FREM2: variants seen among roughly 807,000 people sequenced by gnomAD.
FREM2 encodes FRAS1-related extracellular matrix protein 2.
Under a neutral mutation model 219.9 loss-of-function variants are expected in FREM2, and 119 were observed. The ratio of observed to expected loss-of-function variants is 0.54; its 90% CI spans 0.47 to 0.63. The LOEUF (loss-of-function observed/expected upper bound fraction) is 0.63, where lower values mean the gene tolerates loss of function less well. FREM2 is among the 30% of genes least tolerant of loss of function. The pLI is 0.00. For synonymous variants in FREM2, 1,562 were observed against 1,522.8 expected, an observed-to-expected ratio of 1.03 and a Z score of -0.60; for missense variants, 4,030 against 3,993.6, an observed-to-expected ratio of 1.01 and a Z score of -0.25.
chr13:38,696,585 A>G (rs1279051846), intron 1 of FREM2, among the ~76,000 whole-genome samples: 1 of 152,216 alleles, frequency 6.6e-6, no homozygotes, highest in East Asian at 1.9e-4. Context: ...GCCCAGATCA[A>G]TTAATGATCT....
intron 4 of FREM2, among the ~76,000 whole-genome samples, chr13:38,771,149 TTAAC>T (rs1010966300): frequency 5.3e-5 from 8 of 152,238 alleles, no homozygotes; most frequent in African/African-American, 1.7e-4. Context: ...CATCATTTGT[TTAAC>T]TAACAACTCT....
At chr13:38,872,573 G>A (rs760020247) in intron 16 of FREM2, among the ~76,000 whole-genome samples, 169 bp from the exon 17 acceptor site, 1 of 152,102 alleles carries the variant, frequency 6.6e-6, no homozygotes, top group Non-Finnish European at 1.5e-5. Context: ...CTATTTAATC[G>A]ATCCAAAATT....
At chr13:38,757,639 G>A (rs942909918) in intron 2 of FREM2, among the ~76,000 whole-genome samples, 6 of 151,100 alleles carry the variant, frequency 4.0e-5, no homozygotes. Context: ...CTGTTGCCCA[G>A]TCTAGAGTGC....
chr13:38,858,376 A>G (rs1466232474), intron 13 of FREM2, among the ~76,000 whole-genome samples: 1 of 152,212 alleles, frequency 6.6e-6, no homozygotes, highest in Non-Finnish European at 1.5e-5. Flanking sequence ...AACCACTATC[A>G]TGAAAATGAT....
intron 13 of FREM2, among the ~76,000 whole-genome samples, chr13:38,858,710 G>A (rs540283028): frequency 6.8e-4 from 103 of 152,230 alleles, no homozygotes; most frequent in African/African-American, 2.4e-3. Flanking sequence ...ATAATTTGGC[G>A]TCAAAGTATA....
intron 2 of FREM2, among the ~76,000 whole-genome samples, chr13:38,751,881 TG>T (rs1398655154): frequency 3.7e-4 from 55 of 150,678 alleles, no homozygotes; most frequent in African/African-American, 1.3e-3. Context: ...TGTGTGTGTG[TG>T]TGTGTGTGTG....
chr13:38,771,726 G>T (rs938678224), intron 4 of FREM2, among the ~76,000 whole-genome samples: 1 of 152,106 alleles, frequency 6.6e-6, no homozygotes, highest in African/African-American at 2.4e-5. Flanking sequence ...TTGGATAACT[G>T]ATAAGTCTTC....
intron 2 of FREM2, among the ~76,000 whole-genome samples, chr13:38,707,249 A>T (rs78109457): frequency 0.011 from 1,705 of 152,312 alleles, 49 homozygotes; most frequent in African/African-American, 0.039. Flanking sequence ...TCTAGAATGA[A>T]TTATTCAGTT....
chr13:38,710,716 T>A (rs921123445), intron 2 of FREM2, among the ~76,000 whole-genome samples: 1 of 152,224 alleles, frequency 6.6e-6, no homozygotes, highest in Non-Finnish European at 1.5e-5. Context: ...TAAATAAATG[T>A]AAAGCATAGG....
intron 17 of FREM2, among the ~76,000 whole-genome samples, chr13:38,873,560 G>A (rs1878240967): frequency 6.6e-6 from 1 of 152,226 alleles, no homozygotes; most frequent in Non-Finnish European, 1.5e-5. Flanking sequence ...GAGTTCGCGA[G>A]CATTTGCAAA....
chr13:38,720,298 A>G (rs182450821), intron 2 of FREM2, among the ~76,000 whole-genome samples: 1 of 152,350 alleles, frequency 6.6e-6, no homozygotes, highest in East Asian at 1.9e-4. Flanking sequence ...ATCACTTAGT[A>G]CTGTCTCAAC....
At position 38,691,153 on chromosome 13, in the gene FREM2, C is replaced by T. The variant is rs757299051; in HGVS notation, c.3809C>T (p.Ser1270Phe). ...AGCATTATTTATGAGCATGATGACT[C>T]CGAGACCCAGGAAGACAGTTTTGTG... ...SSSIIYEHDD[S>F]ETQEDSFVIK... The change falls in exon 1 of 24, where the codon TCC (serine) becomes TTC (phenylalanine). Residue 1270 changes from serine (S) to phenylalanine (F), a missense_variant. Physicochemically the swap from Ser to Phe is radical, Grantham distance 155 (BLOSUM62 -2). Around this residue, in one of 2 missense-constraint regions of FREM2, gnomAD observed 3,102 missense variants for 2,950.7 expected, o/e 1.05. Coordinates refer to ENST00000280481, the MANE Select transcript of FREM2 (RefSeq NM_207361.6). 1.2e-5 allele frequency: 20 copies of T among 1,613,850 alleles called. No individual in the cohort carries two copies. In the South Asian group the frequency reaches 2.1e-4, roughly 17 times the overall value.
intron 5 of FREM2, 48 bp downstream of exon 5, chr13:38,783,243 T>A (rs1593405163): frequency 6.2e-7 from 1 of 1,603,616 alleles, no homozygotes; most frequent in Non-Finnish European, 8.5e-7. Flanking sequence ...AAGATATAAA[T>A]AAGCCTTTTT....
intron 14 of FREM2, 29 bp from the exon 15 acceptor site, chr13:38,861,402 G>T (rs377479850): frequency 1.2e-6 from 2 of 1,605,582 alleles, no homozygotes; most frequent in Non-Finnish European, 1.7e-6. Context: ...CCTTCTTTTC[G>T]CATAAATATG....
At chr13:38,771,992 AT>A (rs201904109) in intron 4 of FREM2, among the ~76,000 whole-genome samples, 100 of 151,790 alleles carry the variant, frequency 6.6e-4, no homozygotes, top group African/African-American at 2.3e-3. Flanking sequence ...GAAATTGAGT[AT>A]TTTTTTTCCC....
chr13:38,839,643 G>T (rs1876868915), intron 6 of FREM2, among the ~76,000 whole-genome samples: 1 of 152,204 alleles, frequency 6.6e-6, no homozygotes, highest in African/African-American at 2.4e-5. Flanking sequence ...TTCTTTCAGA[G>T]ATGTCTTGCC....
chr13:38,808,051 G>A (rs1482779987), intron 6 of FREM2, among the ~76,000 whole-genome samples: 2 of 151,896 alleles, frequency 1.3e-5, no homozygotes, highest in Non-Finnish European at 2.9e-5. Context: ...GAGATCTTCT[G>A]GATAACTTGC....
chr13:38,753,502 C>T (rs1872860269), intron 2 of FREM2, among the ~76,000 whole-genome samples: 1 of 152,156 alleles, frequency 6.6e-6, no homozygotes, highest in Non-Finnish European at 1.5e-5. Flanking sequence ...TGCTTGGCAT[C>T]CGTTTATATT....
chr13:38,851,982 CT>C (rs1343630090), intron 11 of FREM2, 114 bp downstream of exon 11: 5 of 922,416 alleles, frequency 5.4e-6, no homozygotes, highest in Non-Finnish European at 8.8e-6. Flanking sequence ...ATAGGGCACT[CT>C]TTTTTAGGGG....
Sources: gnomAD v4.1 joint callset for allele counts (sites outside exome capture counted in the v4.1 genomes callset) on GRCh38, gnomAD v4.1.1 for gene constraint, gnomAD v4.1.1 regional missense constraint, MANE v1.5 for transcripts, NCBI Gene and HGNC (gene_info 2026-07-23, HGNC 2026-07-21) for gene names.